ASPH: variants seen among roughly 807,000 people sequenced by gnomAD.
ASPH encodes aspartate beta-hydroxylase.
In ASPH, 100 loss-of-function variants were observed where a neutral mutation model predicts 118.4. The ratio of observed to expected loss-of-function variants is 0.84; its 90% CI spans 0.72 to 1.00. ASPH has a LOEUF of 1.00. Ranked by LOEUF, ASPH falls within the 50% of genes least tolerant of loss-of-function variation. The pLI is 0.00. For missense variants in ASPH, 920 were observed against 919.5 expected, an observed-to-expected ratio of 1.00 and a Z score of -0.01; for synonymous variants, 315 against 325.6, an observed-to-expected ratio of 0.97 and a Z score of 0.35.
chr8:61,602,010 C>T (rs1011576564), intron 14 of ASPH, among the ~76,000 whole-genome samples: 5 of 151,116 alleles, frequency 3.3e-5, no homozygotes, highest in Admixed American at 3.3e-4. Context: ...AAATACTAGG[C>T]CCAGTCACCT....
chr8:61,676,173 C>A, intron 3 of ASPH: 1 of 1,599,340 alleles, frequency 6.3e-7, no homozygotes, highest in Non-Finnish European at 8.5e-7. Flanking sequence ...CTTTCTTCTT[C>A]TTCTTCTTCT....
At chr8:61,548,821 A>AAT (rs1824828151) in intron 20 of ASPH, among the ~76,000 whole-genome samples, 1 of 152,148 alleles carries the variant, frequency 6.6e-6, no homozygotes, top group Non-Finnish European at 1.5e-5. Flanking sequence ...TTTTGTTCAT[A>AAT]ATATATATTT....
intron 2 of ASPH, chr8:61,683,477 T>G (rs1265111035): frequency 6.6e-6 from 1 of 152,008 alleles, no homozygotes; most frequent in African/African-American, 2.4e-5. Flanking sequence ...CCACAGCAAC[T>G]TCCTCAGAAC....
intron 3 of ASPH, among the ~76,000 whole-genome samples, chr8:61,669,038 A>G (rs1261505930): frequency 1.3e-5 from 2 of 152,136 alleles, no homozygotes; most frequent in Non-Finnish European, 2.9e-5. Context: ...TAAAGTTCCA[A>G]TCCATTTCTT....
At chr8:61,661,095 C>T (rs1816668337) in intron 3 of ASPH, 1 of 152,200 alleles carries the variant, frequency 6.6e-6, no homozygotes. Context: ...CTTACGGCTT[C>T]ACTCATGTGC....
intron 14 of ASPH, among the ~76,000 whole-genome samples, chr8:61,588,949 C>T (rs1189794351): frequency 6.6e-6 from 1 of 152,174 alleles, no homozygotes; most frequent in Non-Finnish European, 1.5e-5. Context: ...AACACCAGTA[C>T]CTGCAACAAT....
At chr8:61,675,973 C>T in intron 3 of ASPH, 1 of 1,533,782 alleles carries the variant, frequency 6.5e-7, no homozygotes, top group Non-Finnish European at 8.7e-7. Context: ...AGATCACAAC[C>T]ACCCCACTGC....
rs543625862 is a variant in ASPH, at chr8:61,653,601, T to C, written c.382A>G (p.Thr128Ala). The part of the protein sequence containing the change: ...AVPPEEAEPH[T>A]EPEEQVPVEA... ...ACAGGAACCTGCTCCTCGGGCTCAG[T>C]GTGTGGCTCAGCCTCTTCTGGCGGG... is the stretch of plus-strand genomic sequence containing the variant. Residue 128 changes from threonine (T) to alanine (A), a missense_variant, in exon 4 of 25, where the codon ACT (threonine) becomes GCT (alanine). Physicochemically the swap from Thr to Ala is moderately conservative, Grantham distance 58. Transcript: ENST00000379454. The C allele has an allele frequency of 1.2e-5, 19 of 1,613,996 alleles. No individual in the cohort carries two copies. The highest frequency in any genetic ancestry group is 1.1e-4 in the African/African-American group (8 of 75,058).
chr8:61,669,932 CTTTAT>C (rs1377921951), intron 3 of ASPH, among the ~76,000 whole-genome samples: 2 of 152,140 alleles, frequency 1.3e-5, no homozygotes, highest in African/African-American at 2.4e-5. Context: ...CAGTGCTGTG[CTTTAT>C]TTTAAACTTT....
At chr8:61,663,934 T>C (rs1010235795) in intron 3 of ASPH, 1 of 887,396 alleles carries the variant, frequency 1.1e-6, no homozygotes, top group Non-Finnish European at 1.3e-6. Context: ...TTGAAATATC[T>C]TTAATTAGAT....
intron 3 of ASPH, chr8:61,676,318 G>A: frequency 6.3e-7 from 1 of 1,579,218 alleles, no homozygotes; most frequent in Non-Finnish European, 8.5e-7. Context: ...CTTTGGTCAG[G>A]CCTACATAAG....
chr8:61,572,809 G>A (rs1833870227), intron 16 of ASPH, among the ~76,000 whole-genome samples: 1 of 152,184 alleles, frequency 6.6e-6, no homozygotes. Context: ...GTTGGCACAA[G>A]GAGGCCCTCT....
rs76942224 is a variant in ASPH, at chr8:61,649,497, A to G, written c.490+1553T>C. Among the ~76,000 whole-genome samples, 12 of 152,278 alleles carry G rather than the reference A, an allele frequency of 7.9e-5. No individual in the cohort carries two copies. In the East Asian group the frequency reaches 1.9e-3, roughly 25 times the overall value. On this transcript the variant is annotated intron_variant, in intron 5 of 24. Transcript: ENST00000379454. ...GATGAGCAATGAGGGCTGCAGCTAT[A>G]TATTTAAAAGTTATCAACATACAAA...
At chr8:61,675,631 C>A (rs1450216382) in intron 3 of ASPH, 1 of 978,284 alleles carries the variant, frequency 1.0e-6, no homozygotes, top group Non-Finnish European at 1.2e-6. Flanking sequence ...AACAGAGAAG[C>A]ATTTAACTTA....
chr8:61,672,237 A>C (rs1822924159), intron 3 of ASPH, among the ~76,000 whole-genome samples: 1 of 152,194 alleles, frequency 6.6e-6, no homozygotes, highest in Non-Finnish European at 1.5e-5. Flanking sequence ...AATATAGTAC[A>C]GATTAAAAAA....
chr8:61,633,650 A>G lies in ASPH; in HGVS notation c.934+33T>C, dbSNP rs773614916. On this transcript the variant is annotated intron_variant, in intron 13 of 24. Transcript: ENST00000379454. ...ATTAACAGGATTTTTAAGGATAACA[A>G]AAGAGGAAAATACAACATACAAAAT... is the stretch of plus-strand genomic sequence containing the variant. The G allele has an allele frequency of 1.1e-5, 17 of 1,563,698 alleles. No homozygotes were observed. In the South Asian group the frequency reaches 1.1e-4, roughly 10 times the overall value.
intron 16 of ASPH, among the ~76,000 whole-genome samples, chr8:61,569,568 A>T (rs891033805): frequency 1.3e-5 from 2 of 150,172 alleles, no homozygotes; most frequent in Non-Finnish European, 2.9e-5. Flanking sequence ...AAAATAAGAC[A>T]ACTATGGGAT....
intron 13 of ASPH, among the ~76,000 whole-genome samples, chr8:61,622,570 C>T (rs1279200943): frequency 6.6e-6 from 1 of 152,208 alleles, no homozygotes; most frequent in African/African-American, 2.4e-5. Context: ...GTCCTCACGT[C>T]ACAGCTTTCC....
At chr8:61,549,780 A>C (rs757480182) in intron 20 of ASPH, among the ~76,000 whole-genome samples, 1 of 152,232 alleles carries the variant, frequency 6.6e-6, no homozygotes, top group African/African-American at 2.4e-5. Flanking sequence ...CTGACAGTCC[A>C]TTTTTGAGTC....
Sources: gnomAD v4.1 joint callset for allele counts (sites outside exome capture counted in the v4.1 genomes callset) on GRCh38, gnomAD v4.1.1 for gene constraint, MANE v1.5 for transcripts, NCBI Gene and HGNC (gene_info 2026-07-23, HGNC 2026-07-21) for gene names.